ANKH: variants seen among roughly 807,000 people sequenced by gnomAD.
The protein encoded by ANKH is mineralization regulator ANKH.
Under a neutral mutation model 49.0 loss-of-function variants are expected in ANKH, and 15 were observed. The observed-to-expected ratio is 0.31, with a 90% confidence interval of 0.20 to 0.47. ANKH has a LOEUF of 0.47. Among genes scored for constraint, ANKH ranks in the 20% least tolerant of loss-of-function variants. The probability of loss-of-function intolerance (pLI) is 1.00; values close to 1 mark genes in which losing one functional copy is unlikely to be tolerated. For synonymous variants in ANKH, 273 were observed against 260.0 expected (o/e 1.05, Z -0.48); for missense variants, 429 against 652.0 (o/e 0.66, Z 3.72).
At chr5:14,802,491 G>A (rs1418572026) in intron 1 of ANKH, among the ~76,000 whole-genome samples, 2 of 151,980 alleles carry the variant, frequency 1.3e-5, no homozygotes, top group Non-Finnish European at 2.9e-5. Context: ...AGTCCATTTT[G>A]CTTCACAGAT....
At chr5:14,845,575 A>C (rs1000358423) in intron 1 of ANKH, among the ~76,000 whole-genome samples, 1 of 152,090 alleles carries the variant, frequency 6.6e-6, no homozygotes, top group Non-Finnish European at 1.5e-5. Flanking sequence ...CAGGGACTTG[A>C]GAGGAAGTTG....
intron 1 of ANKH, among the ~76,000 whole-genome samples, chr5:14,837,455 T>C (rs914662117): frequency 6.6e-6 from 1 of 152,090 alleles, no homozygotes; most frequent in African/African-American, 2.4e-5. Flanking sequence ...CATCAAAAAG[T>C]GGACGAAGGA....
chr5:14,813,135 G>A (rs1740936093), intron 1 of ANKH, among the ~76,000 whole-genome samples: 2 of 152,214 alleles, frequency 1.3e-5, no homozygotes, highest in Middle Eastern at 3.4e-3. Context: ...TAGCTACTCA[G>A]GAGGCTAAAG....
Position 14,763,081 on chromosome 5 carries a change from G to C in ANKH, c.314-4483C>G, listed in dbSNP as rs16903695. On this transcript the variant is annotated intron_variant, in intron 2 of 11. Coordinates refer to ENST00000284268, the MANE Select transcript of ANKH (RefSeq NM_054027.6). ...CCAGCCAGGGCCATGGGCTCTTTCT[G>C]AATCAGTGGTTCTCAAACCTGTTCA... 5.0e-3 allele frequency among the ~76,000 whole-genome samples: 756 copies of C among 152,324 alleles called. 22 individuals are homozygous for C. Among genetic ancestry groups the C allele is most frequent in the Admixed American group, 0.03 (463 of 15,300 alleles).
At chr5:14,759,211 G>T (rs539768109) in intron 2 of ANKH, among the ~76,000 whole-genome samples, 1 of 152,106 alleles carries the variant, frequency 6.6e-6, no homozygotes, top group Non-Finnish European at 1.5e-5. Context: ...GTCCTGCACC[G>T]CTGGAAAATG....
intron 2 of ANKH, among the ~76,000 whole-genome samples, chr5:14,767,642 T>C (rs912329684): frequency 5.3e-5 from 8 of 152,224 alleles, no homozygotes; most frequent in Admixed American, 5.2e-4. Context: ...TAATTAGCTG[T>C]TTAGTCCCAA....
chr5:14,749,535 A>G (rs1277052263), intron 5 of ANKH, among the ~76,000 whole-genome samples: 1 of 152,246 alleles, frequency 6.6e-6, no homozygotes, highest in Non-Finnish European at 1.5e-5. Flanking sequence ...AAATTAAAAC[A>G]CACACTGAAG....
At chr5:14,846,197 C>G (rs1239691957) in intron 1 of ANKH, among the ~76,000 whole-genome samples, 1 of 152,260 alleles carries the variant, frequency 6.6e-6, no homozygotes, top group East Asian at 1.9e-4. Context: ...AATCTCTGAG[C>G]ATCTTTTGGT....
chr5:14,776,747 G>A (rs1228668636), intron 1 of ANKH, among the ~76,000 whole-genome samples: 2 of 152,202 alleles, frequency 1.3e-5, no homozygotes, highest in East Asian at 1.9e-4. Context: ...CGAGGCAGAC[G>A]GCCAAGACAT....
At chr5:14,769,887 T>G (rs1209256446) in intron 1 of ANKH, among the ~76,000 whole-genome samples, 1 of 152,236 alleles carries the variant, frequency 6.6e-6, no homozygotes, top group Non-Finnish European at 1.5e-5. Context: ...TGCAGGAAGA[T>G]GCGGTTGTAA....
At chr5:14,805,510 A>T (rs1740684537) in intron 1 of ANKH, among the ~76,000 whole-genome samples, 1 of 146,918 alleles carries the variant, frequency 6.8e-6, no homozygotes, top group Admixed American at 6.8e-5. Flanking sequence ...ACACACACGT[A>T]TATATACACA....
intron 2 of ANKH, among the ~76,000 whole-genome samples, chr5:14,759,692 G>C (rs1394737130): frequency 2.6e-5 from 4 of 151,688 alleles, no homozygotes; most frequent in Non-Finnish European, 5.9e-5. Context: ...AGGAGTTCAA[G>C]GGTACAGTGA....
At position 14,845,029 on chromosome 5, in the gene ANKH, G is replaced by GA. The variant is rs35839744; in HGVS notation, c.96+26322dup. On this transcript the variant is annotated intron_variant, in intron 1 of 11. Coordinates refer to ENST00000284268, the MANE Select transcript of ANKH (RefSeq NM_054027.6). The stretch of plus-strand genomic sequence containing the variant: ...TATTCCTGTTTACCTAAGCGTGCAA[G>GA]AAAAAAAAAAAAAAGGCCCTTTTCC... Among the ~76,000 whole-genome samples the GA allele has an allele frequency of 3.6e-3, 416 of 114,026 alleles. 1 individual carries two copies. Among genetic ancestry groups the GA allele is most frequent in the Middle Eastern group, 8.5e-3 (2 of 234 alleles). 74.8% of individuals were successfully genotyped at this position (114,026 alleles called of 152,430 possible).
At chr5:14,749,502 G>A (rs565332569) in intron 5 of ANKH, among the ~76,000 whole-genome samples, 196 bp from the exon 6 acceptor site, 8 of 152,184 alleles carry the variant, frequency 5.3e-5, no homozygotes, top group South Asian at 2.1e-4. Flanking sequence ...GAAATTAACC[G>A]AGACAGCTGG....
chr5:14,806,271 AC>A (rs1405258610), intron 1 of ANKH, among the ~76,000 whole-genome samples: 2 of 151,102 alleles, frequency 1.3e-5, no homozygotes, highest in African/African-American at 4.9e-5. Flanking sequence ...ACCACCCTCA[AC>A]CCCCCAAAAA....
At position 14,705,967 on chromosome 5, in the gene ANKH, A is replaced by G. The variant is rs1288509112; in HGVS notation, c.*5230T>C. ...GGCGCCATTTCTTGCCCTGGCTTAT[A>G]GCTAGGGAACATTGCCTCTAAATCT... On this transcript the variant is annotated 3_prime_UTR_variant, in exon 12 of 12. Transcript: ENST00000284268. 1 of 152,150 alleles carries G rather than the reference A, an allele frequency of 6.6e-6. No homozygotes were observed. Among genetic ancestry groups the G allele is most frequent in the Non-Finnish European group, 1.5e-5 (1 of 68,032 alleles). The allele number at this position is 152,150 out of a possible 1,614,324, so 9.4% of individuals were successfully genotyped here.
chr5:14,760,483 A>T (rs1739040406), intron 2 of ANKH, among the ~76,000 whole-genome samples: 1 of 152,178 alleles, frequency 6.6e-6, no homozygotes, highest in Non-Finnish European at 1.5e-5. Flanking sequence ...CATACAGATG[A>T]TCTACTTTGG....
chr5:14,842,214 T>C lies in ANKH; in HGVS notation c.96+29138A>G, dbSNP rs562485030. On this transcript the variant is annotated intron_variant, in intron 1 of 11. Transcript: ENST00000284268. ...GCTAATTAGGGTCCTCTCTATAATA[T>C]TGACTGATGATGGGGGGTGTGGTTT... 2.9e-4 allele frequency among the ~76,000 whole-genome samples: 44 copies of C among 152,288 alleles called. 1 individual carries two copies. The South Asian group carries it at 3.1e-3, about 11-fold the overall frequency.
intron 1 of ANKH, among the ~76,000 whole-genome samples, chr5:14,860,439 C>A (rs2126630932): frequency 6.6e-6 from 1 of 152,338 alleles, no homozygotes; most frequent in South Asian, 2.1e-4. Flanking sequence ...TTAGGCCACA[C>A]ATGGTGGGAG....
Sources: allele counts gnomAD v4.1 joint callset (sites outside exome capture counted in the v4.1 genomes callset), GRCh38; gene constraint gnomAD v4.1.1; transcripts MANE v1.5; gene names NCBI Gene and HGNC (gene_info 2026-07-23, HGNC 2026-07-21).